The following NF1 variants were observed in gnomAD, a reference collection of about 807,000 sequenced individuals.
NF1 encodes the protein neurofibromin 1, also known as neurofibromin.
A neutral mutation model predicts 325.7 loss-of-function variants in NF1; 122 were observed. The ratio of observed to expected loss-of-function variants is 0.37; its 90% CI spans 0.32 to 0.44. NF1 has a LOEUF of 0.44. Ranked by LOEUF, NF1 falls within the 20% of genes least tolerant of loss-of-function variation. NF1 has a pLI of 1.00. For missense variants in NF1, 2,140 were observed against 3,415.4 expected, an observed-to-expected ratio of 0.63 and a Z score of 9.31; for synonymous variants, 1,091 against 1,186.0, an observed-to-expected ratio of 0.92 and a Z score of 1.65.
At chr17:31,265,731 T>C (rs1334316940) in intron 36 of NF1, among the ~76,000 whole-genome samples, 1 of 152,106 alleles carries the variant, frequency 6.6e-6, no homozygotes, top group Non-Finnish European at 1.5e-5. Flanking sequence ...TCTGAGAACT[T>C]TTAAAAATAT....
chr17:31,123,953 TA>T (rs1273267687), intron 1 of NF1, among the ~76,000 whole-genome samples: 1 of 152,140 alleles, frequency 6.6e-6, no homozygotes, highest in Non-Finnish European at 1.5e-5. Context: ...AGAATATTTT[TA>T]TATTTTTCTT....
At chr17:31,314,765 G>T (rs1276486836) in intron 36 of NF1, among the ~76,000 whole-genome samples, 1 of 152,158 alleles carries the variant, frequency 6.6e-6, no homozygotes, top group Non-Finnish European at 1.5e-5. Context: ...TACAACAAAA[G>T]TGGGAGTGCA....
Position 31,153,178 on chromosome 17 carries a change from G to A in NF1, c.61-2805G>A, listed in dbSNP as rs146014089. On this transcript the variant is annotated intron_variant, in intron 1 of 57. Transcript: ENST00000358273. ...GTGTGGGCTAGAACTGTGCTGTCCA[G>A]TCAGATCTAATAATTACATGTGTGG... Among the ~76,000 whole-genome samples, 522 of 152,194 alleles carry A rather than the reference G, an allele frequency of 3.4e-3. 2 individuals are homozygous for A. Among genetic ancestry groups the A allele is most frequent in the Non-Finnish European group, 5.3e-3 (357 of 67,992 alleles).
chr17:31,287,708 C>T (rs550586691), intron 36 of NF1, among the ~76,000 whole-genome samples: 33 of 152,078 alleles, frequency 2.2e-4, no homozygotes, highest in East Asian at 5.8e-4. Context: ...TACAGGCACA[C>T]GCCACCACAC....
intron 1 of NF1, among the ~76,000 whole-genome samples, chr17:31,150,399 G>T (rs990343250): frequency 1.3e-5 from 2 of 152,076 alleles, no homozygotes; most frequent in Admixed American, 6.6e-5. Flanking sequence ...AGTACAATTT[G>T]TGTTTTTGTT....
At chr17:31,331,941 T>TAAAAAA (rs2069506782) in intron 39 of NF1, 1 of 85,368 alleles carries the variant, frequency 1.2e-5, no homozygotes, top group Non-Finnish European at 2.3e-5. Context: ...AAAAAAAAAG[T>TAAAAAA]TGTATATAAA....
intron 36 of NF1, among the ~76,000 whole-genome samples, chr17:31,290,661 G>A (rs2068326625): frequency 6.6e-6 from 1 of 152,010 alleles, no homozygotes; most frequent in African/African-American, 2.4e-5. Flanking sequence ...CTGTTTTTAT[G>A]CCACTATCAT....
intron 36 of NF1, among the ~76,000 whole-genome samples, chr17:31,322,783 C>T (rs1430812092): frequency 6.6e-6 from 1 of 152,144 alleles, no homozygotes; most frequent in East Asian, 1.9e-4. Context: ...TAGTATACAA[C>T]ACATCATTTT....
intron 30 of NF1, among the ~76,000 whole-genome samples, chr17:31,249,611 A>G (rs971139134): frequency 3.9e-5 from 6 of 152,184 alleles, no homozygotes; most frequent in Admixed American, 2.6e-4. Context: ...TATGTAGCAT[A>G]TTTCTTAAAA....
At chr17:31,340,793 C>T (rs1289001077) in intron 47 of NF1, 148 bp downstream of exon 47, 1 of 800,686 alleles carries the variant, frequency 1.2e-6, no homozygotes, top group East Asian at 2.8e-5. Flanking sequence ...TATTTCCTTA[C>T]CAGCTCATAA....
At chr17:31,308,299 C>T (rs2068780838) in intron 36 of NF1, among the ~76,000 whole-genome samples, 1 of 151,974 alleles carries the variant, frequency 6.6e-6, no homozygotes, top group South Asian at 2.1e-4. Flanking sequence ...CACTACCACA[C>T]CTGGCTAATT....
rs1227997845 is a variant in NF1, at chr17:31,101,045, GCTCT to G, written c.60+5683_60+5686del. Among the ~76,000 whole-genome samples the G allele has an allele frequency of 2.0e-5, 3 of 151,842 alleles. No homozygotes were observed. In the East Asian group the frequency reaches 5.8e-4, roughly 29 times the overall value. ...AATCAGACGTTTACTTGGTCCTGCAGCTCTCTCTCTGTGGACCAGTCTTTTTTGT... is the reference window on the plus strand; with the variant it reads ...AATCAGACGTTTACTTGGTCCTGCAGCTCTCTGTGGACCAGTCTTTTTTGT... On this transcript the variant is annotated intron_variant, in intron 1 of 57. Transcript: ENST00000358273.
rs553710325 is a variant in NF1 at position 31,214,359 on chromosome 17, C to A, written c.1393-92C>A. The A allele has an allele frequency of 2.0e-4, 207 of 1,051,584 alleles. 1 individual carries two copies. The African/African-American group carries it at 2.7e-3, about 14-fold the overall frequency. 65.1% of individuals were successfully genotyped at this position (1,051,584 alleles called of 1,614,324 possible). On this transcript the variant is annotated intron_variant, in intron 12 of 57. Transcript: ENST00000358273. ...TGGTAGTATAAAAAATAGCTTTTTT[C>A]AAAGGTTTTTAATAATAAATTTCTT...
chr17:31,258,665 G>A (rs571642129), intron 32 of NF1, among the ~76,000 whole-genome samples, 163 bp downstream of exon 32: 1 of 152,070 alleles, frequency 6.6e-6, no homozygotes, highest in East Asian at 1.9e-4. Flanking sequence ...TCATTAGTTA[G>A]GTACCTGATG....
At position 31,232,997 on chromosome 17, in the gene NF1, A is replaced by G. The variant is rs876660405; in HGVS notation, c.3497-5A>G. 6.2e-7 allele frequency: 1 copy of G among 1,614,230 alleles called. No homozygotes were observed. Among genetic ancestry groups the G allele is most frequent in the Non-Finnish European group, 8.5e-7 (1 of 1,180,026 alleles). On this transcript the variant is annotated splice_polypyrimidine_tract_variant and splice_region_variant and intron_variant, in intron 26 of 57. Transcript: ENST00000358273. ...AGTAAATTTGCATCTGTTTGTCCAC[A>G]TTAGGCTTAGGTTACCACAAGGATC...
In NF1 at chr17:31,170,155, A is replaced by G. The variant is rs184777571; in HGVS notation, c.586+158A>G. ...TAACCAGTAATACAAATGGGTAATT[A>G]TTTTTCAATCTTTGAAAATAATGCA... On this transcript the variant is annotated intron_variant, in intron 5 of 57. Coordinates refer to ENST00000358273, the MANE Select transcript of NF1 (RefSeq NM_001042492.3). Among the ~76,000 whole-genome samples, 4 of 152,306 alleles carry G rather than the reference A, an allele frequency of 2.6e-5. No homozygotes were observed. In the East Asian group the frequency reaches 7.7e-4, roughly 29 times the overall value.
intron 1 of NF1, among the ~76,000 whole-genome samples, chr17:31,147,808 CT>C (rs1462789976): frequency 1.3e-5 from 2 of 152,214 alleles, no homozygotes; most frequent in Non-Finnish European, 2.9e-5. Flanking sequence ...TTCTGCTTTG[CT>C]TTTCAGAAGT....
At chr17:31,359,912 G>A in intron 56 of NF1, 1 of 162,182 alleles carries the variant, frequency 6.2e-6, no homozygotes, top group South Asian at 1.6e-4. Flanking sequence ...CAGTGTTTTA[G>A]ATACAGGGGG....
chr17:31,287,387 AAC>A (rs1199570307), intron 36 of NF1, among the ~76,000 whole-genome samples: 7 of 152,354 alleles, frequency 4.6e-5, no homozygotes, highest in African/African-American at 1.4e-4. Flanking sequence ...CCAAGGTAAA[AAC>A]ACACACCGTA....
Sources: allele counts gnomAD v4.1 joint callset (sites outside exome capture counted in the v4.1 genomes callset), GRCh38; gene constraint gnomAD v4.1.1; transcripts MANE v1.5; gene names NCBI Gene and HGNC (gene_info 2026-07-23, HGNC 2026-07-21).